IBTK: variants seen among roughly 807,000 people sequenced by gnomAD.
The protein encoded by IBTK is BTK-binding protein.
IBTK carries 83 observed loss-of-function variants against 154.9 expected under a neutral mutation model. That is an observed-to-expected ratio of 0.54 (90% CI 0.45 to 0.64). The LOEUF is 0.64. Ranked by LOEUF, IBTK falls within the 30% of genes least tolerant of loss-of-function variation. IBTK has a pLI of 0.00. For synonymous variants in IBTK, 515 were observed against 536.1 expected, an observed-to-expected ratio of 0.96 and a Z score of 0.54; for missense variants, 1,332 against 1,584.6, an observed-to-expected ratio of 0.84 and a Z score of 2.71.
chr6:82,207,757 G>A (rs1230413504), intron 16 of IBTK, among the ~76,000 whole-genome samples: 2 of 152,134 alleles, frequency 1.3e-5, no homozygotes, highest in African/African-American at 4.8e-5. Flanking sequence ...GAACTGAAGA[G>A]TACAGAAATA....
chr6:82,192,083 C>A (rs1299376218), intron 23 of IBTK, among the ~76,000 whole-genome samples: 1 of 151,802 alleles, frequency 6.6e-6, no homozygotes, highest in East Asian at 1.9e-4. Context: ...TAATATATAT[C>A]CAAAATGTTA....
intron 25 of IBTK, among the ~76,000 whole-genome samples, chr6:82,185,768 C>T (rs1768530363): frequency 6.6e-6 from 1 of 151,852 alleles, no homozygotes; most frequent in Non-Finnish European, 1.5e-5. Flanking sequence ...ATCCAGAGTT[C>T]AGGTTAAAAT....
chr6:82,191,246 T>C (rs1397078553), intron 24 of IBTK, 30 bp from the exon 25 acceptor site: 3 of 1,567,964 alleles, frequency 1.9e-6, no homozygotes, highest in Non-Finnish European at 2.6e-6. Flanking sequence ...GTTTCAGTGG[T>C]TTCTTCTGAC....
At chr6:82,235,317 C>T (rs1263355465) in intron 2 of IBTK, among the ~76,000 whole-genome samples, 2 of 152,046 alleles carry the variant, frequency 1.3e-5, no homozygotes, top group African/African-American at 4.8e-5. Context: ...CACACTCTGC[C>T]GGGCGCAGTG....
At chr6:82,226,734 G>T (rs2127821829) in intron 5 of IBTK, among the ~76,000 whole-genome samples, 1 of 152,102 alleles carries the variant, frequency 6.6e-6, no homozygotes, top group South Asian at 2.1e-4. Flanking sequence ...AGTCTTCCAA[G>T]TAGCTGGGAT....
chr6:82,188,755 T>C (rs1768646179), intron 25 of IBTK, among the ~76,000 whole-genome samples: 2 of 151,912 alleles, frequency 1.3e-5, no homozygotes, highest in South Asian at 4.2e-4. Flanking sequence ...AAAGAAAAAG[T>C]GTAGTGGCTC....
chr6:82,236,358 T>C (rs757291582), intron 2 of IBTK, among the ~76,000 whole-genome samples: 10 of 152,226 alleles, frequency 6.6e-5, no homozygotes, highest in Admixed American at 5.2e-4. Flanking sequence ...CAGTATATTA[T>C]TTAATCCATA....
At chr6:82,190,978 GAA>G (rs1323120838) in intron 25 of IBTK, 93 bp downstream of exon 25, 7 of 873,486 alleles carry the variant, frequency 8.0e-6, no homozygotes, top group Non-Finnish European at 1.1e-5. Flanking sequence ...AAAGACTTTA[GAA>G]ACACTGGAAG....
intron 25 of IBTK, among the ~76,000 whole-genome samples, chr6:82,187,157 C>G (rs1340347142): frequency 1.3e-5 from 2 of 152,102 alleles, no homozygotes; most frequent in African/African-American, 4.8e-5. Context: ...CTCAGGTGAT[C>G]TGCCTGCCTT....
At chr6:82,221,426 T>C (rs956514613) in intron 8 of IBTK, among the ~76,000 whole-genome samples, 1 of 152,232 alleles carries the variant, frequency 6.6e-6, no homozygotes, top group African/African-American at 2.4e-5. Flanking sequence ...CAAAATTAAA[T>C]AGAAATGCTT....
chr6:82,236,128 C>T (rs1770706007), intron 2 of IBTK, among the ~76,000 whole-genome samples: 1 of 152,172 alleles, frequency 6.6e-6, no homozygotes, highest in Non-Finnish European at 1.5e-5. Flanking sequence ...CCCGCCTTGG[C>T]CTCCCAAAGT....
chr6:82,186,551 A>G (rs1768563452), intron 25 of IBTK, among the ~76,000 whole-genome samples: 1 of 152,102 alleles, frequency 6.6e-6, no homozygotes, highest in Non-Finnish European at 1.5e-5. Context: ...GAAACCAAAA[A>G]TTTCTTGTGA....
intron 23 of IBTK, 122 bp downstream of exon 23, chr6:82,194,357 T>C: frequency 1.2e-6 from 1 of 813,634 alleles, no homozygotes; most frequent in Non-Finnish European, 1.7e-6. Context: ...TTTAGGCAAT[T>C]TTCTGTGCAT....
chr6:82,184,119 A>C (rs1768447646), intron 25 of IBTK, among the ~76,000 whole-genome samples: 1 of 152,218 alleles, frequency 6.6e-6, no homozygotes, highest in African/African-American at 2.4e-5. Context: ...TTCTTCAATT[A>C]TGTTTTACTG....
At chr6:82,220,937 TACACACACACACACACACACACACACAC>T (rs57358110) in intron 8 of IBTK, among the ~76,000 whole-genome samples, 2 of 130,090 alleles carry the variant, frequency 1.5e-5, no homozygotes, top group Non-Finnish European at 3.2e-5. Flanking sequence ...TGACTTTACC[TACACACACACACACACACACACACACAC>T]ACACACACAC....
intron 1 of IBTK, among the ~76,000 whole-genome samples, chr6:82,242,635 C>T (rs1391773212): frequency 6.6e-6 from 1 of 151,932 alleles, no homozygotes; most frequent in Non-Finnish European, 1.5e-5. Flanking sequence ...ACAAAAAGAA[C>T]AAGATAAAAC....
chr6:82,185,074 T>C (rs981460290), intron 25 of IBTK, among the ~76,000 whole-genome samples: 2 of 150,144 alleles, frequency 1.3e-5, no homozygotes, highest in Admixed American at 1.3e-4. Flanking sequence ...TCCCAGATAC[T>C]CGGGAGGCTG....
rs983606051 is a variant in IBTK, at chr6:82,172,324, C to G, written c.3930+56G>C. 3 of 1,538,568 alleles carry G rather than the reference C, an allele frequency of 1.9e-6. No homozygotes were observed. The African/African-American group carries it at 4.2e-5, about 21-fold the overall frequency. The stretch of plus-strand genomic sequence containing the variant: ...CAAACAAACACGATTTTCTTAAAAC[C>G]TAAGTAGGAAATGTAGTTCTTCTCT... On this transcript the variant is annotated intron_variant, in intron 28 of 28. Coordinates refer to ENST00000306270, the MANE Select transcript of IBTK (RefSeq NM_015525.4).
At chr6:82,180,085 A>T (rs1243060752) in intron 26 of IBTK, among the ~76,000 whole-genome samples, 1 of 152,244 alleles carries the variant, frequency 6.6e-6, no homozygotes, top group Non-Finnish European at 1.5e-5. Context: ...ATAATGTTTG[A>T]CACAAAGCTC....
Sources: allele counts gnomAD v4.1 joint callset (sites outside exome capture counted in the v4.1 genomes callset), GRCh38; gene constraint gnomAD v4.1.1; transcripts MANE v1.5; gene names NCBI Gene and HGNC (gene_info 2026-07-23, HGNC 2026-07-21).